KCNJ6: variants seen among roughly 807,000 people sequenced by gnomAD.
The protein encoded by KCNJ6 is potassium inwardly rectifying channel subfamily J member 6, also known as G protein-activated inward rectifier potassium channel 2.
A neutral mutation model predicts 34.2 loss-of-function variants in KCNJ6; 9 were observed. The observed-to-expected ratio is 0.26, with a 90% confidence interval of 0.16 to 0.46. The LOEUF (loss-of-function observed/expected upper bound fraction) is 0.46. Among genes scored for constraint, KCNJ6 ranks in the 20% least tolerant of loss-of-function variants. The probability of loss-of-function intolerance (pLI) is 1.00; values close to 1 mark genes in which losing one functional copy is unlikely to be tolerated. For synonymous variants in KCNJ6, 196 were observed against 207.1 expected, an observed-to-expected ratio of 0.95 and a Z score of 0.46; for missense variants, 236 against 531.3, an observed-to-expected ratio of 0.44 and a Z score of 5.46.
intron 3 of KCNJ6, among the ~76,000 whole-genome samples, chr21:37,634,444 T>C: frequency 6.6e-6 from 1 of 152,180 alleles, no homozygotes. Context: ...AAGAACCAAA[T>C]GAACCTCTTT....
chr21:37,687,093 T>A (rs2054618964), intron 3 of KCNJ6, among the ~76,000 whole-genome samples: 1 of 152,142 alleles, frequency 6.6e-6, no homozygotes, highest in Non-Finnish European at 1.5e-5. Flanking sequence ...TCCCAGCACT[T>A]GATCCAAAGG....
intron 1 of KCNJ6, among the ~76,000 whole-genome samples, chr21:37,842,563 A>T (rs954704340): frequency 5.3e-5 from 8 of 152,178 alleles, no homozygotes; most frequent in African/African-American, 9.7e-5. Flanking sequence ...GAACAGAAGG[A>T]GCTAAGGAGC....
At chr21:37,724,297 A>G (rs2054842559) in intron 2 of KCNJ6, among the ~76,000 whole-genome samples, 1 of 152,114 alleles carries the variant, frequency 6.6e-6, no homozygotes, top group South Asian at 2.1e-4. Context: ...TGCTTTCAGG[A>G]AACACAGGTC....
At chr21:37,800,679 G>A (rs1348611475) in intron 2 of KCNJ6, among the ~76,000 whole-genome samples, 1 of 152,140 alleles carries the variant, frequency 6.6e-6, no homozygotes, top group Non-Finnish European at 1.5e-5. Flanking sequence ...CCCTTGATAA[G>A]CATATCATTC....
intron 2 of KCNJ6, among the ~76,000 whole-genome samples, chr21:37,825,818 T>C (rs1049178952): frequency 6.6e-6 from 1 of 152,020 alleles, no homozygotes; most frequent in African/African-American, 2.4e-5. Flanking sequence ...GCAGGGAGAA[T>C]GAGAACCAAG....
chr21:37,776,834 C>CT (rs1362557354), intron 2 of KCNJ6, among the ~76,000 whole-genome samples: 7 of 152,166 alleles, frequency 4.6e-5, no homozygotes, highest in Non-Finnish European at 1.0e-4. Context: ...CTCTGCCAGG[C>CT]TTTGGTATCA....
At chr21:37,685,224 A>G (rs1226532444) in intron 3 of KCNJ6, among the ~76,000 whole-genome samples, 1 of 152,266 alleles carries the variant, frequency 6.6e-6, no homozygotes, top group East Asian at 1.9e-4. Context: ...GCAAAGATCA[A>G]TGAGTTGTTT....
At chr21:37,738,473 C>T (rs193102140) in intron 2 of KCNJ6, among the ~76,000 whole-genome samples, 1 of 152,352 alleles carries the variant, frequency 6.6e-6, no homozygotes, top group East Asian at 1.9e-4. Flanking sequence ...CAAGTACATA[C>T]ACTAAAGTAA....
intron 3 of KCNJ6, among the ~76,000 whole-genome samples, chr21:37,681,973 A>G (rs1197417116): frequency 1.3e-5 from 2 of 152,198 alleles, no homozygotes; most frequent in Non-Finnish European, 2.9e-5. Context: ...TTAAGGGGAA[A>G]GAAGTCTGTC....
At chr21:37,870,951 C>T (rs2055648601) in intron 1 of KCNJ6, among the ~76,000 whole-genome samples, 1 of 152,164 alleles carries the variant, frequency 6.6e-6, no homozygotes, top group Non-Finnish European at 1.5e-5. Flanking sequence ...ACACCAATCC[C>T]AAGTCTTGGA....
chr21:37,828,695 G>A (rs892796720), intron 2 of KCNJ6, among the ~76,000 whole-genome samples: 2 of 152,238 alleles, frequency 1.3e-5, no homozygotes, highest in African/African-American at 2.4e-5. Context: ...GCTCTGCGGA[G>A]TTTCAGCCTT....
At chr21:37,649,590 C>T (rs1357969051) in intron 3 of KCNJ6, among the ~76,000 whole-genome samples, 3 of 152,202 alleles carry the variant, frequency 2.0e-5, no homozygotes, top group Non-Finnish European at 4.4e-5. Context: ...AGCCAGACCC[C>T]GCATCACCTT....
chr21:37,669,220 C>A (rs190723065), intron 3 of KCNJ6, among the ~76,000 whole-genome samples: 41 of 152,330 alleles, frequency 2.7e-4, no homozygotes, highest in African/African-American at 7.5e-4. Context: ...GGCACCCCCC[C>A]ACCTTCCAGT....
At chr21:37,823,503 G>A (rs1398338910) in intron 2 of KCNJ6, among the ~76,000 whole-genome samples, 2 of 152,150 alleles carry the variant, frequency 1.3e-5, no homozygotes, top group East Asian at 3.9e-4. Context: ...GAGGTGATTG[G>A]ATCATGGAGG....
intron 1 of KCNJ6, among the ~76,000 whole-genome samples, chr21:37,878,862 G>A (rs1402321605): frequency 6.6e-6 from 1 of 152,194 alleles, no homozygotes; most frequent in African/African-American, 2.4e-5. Context: ...TCACATGCTT[G>A]CTGTGAAAAT....
At position 37,607,913 on chromosome 21, in the gene KCNJ6, T is replaced by C. The variant is rs560324978; in HGVS notation, c.*17246A>G. ...TAAAATAAACTCTTGTTTTGTGATT[T>C]TGCTGGACACATGATGGTTTACAAC... On this transcript the variant is annotated 3_prime_UTR_variant, in exon 4 of 4. Coordinates refer to ENST00000609713, the MANE Select transcript of KCNJ6 (RefSeq NM_002240.5). 1 of 152,346 alleles carries C rather than the reference T, an allele frequency of 6.6e-6. No homozygotes were observed. The highest frequency in any genetic ancestry group is 2.1e-4 in the South Asian group (1 of 4,828). 9.4% of individuals were successfully genotyped at this position (152,346 alleles called of 1,614,324 possible).
chr21:37,754,648 C>T (rs139380202), intron 2 of KCNJ6, among the ~76,000 whole-genome samples: 9 of 152,182 alleles, frequency 5.9e-5, no homozygotes, highest in African/African-American at 1.9e-4. Flanking sequence ...GAGATTCCAA[C>T]GCTAATGAGC....
intron 3 of KCNJ6, among the ~76,000 whole-genome samples, chr21:37,665,591 G>A (rs981259183): frequency 3.3e-5 from 5 of 152,184 alleles, no homozygotes; most frequent in Non-Finnish European, 5.9e-5. Flanking sequence ...ATGAGGTAGA[G>A]CTGGATTTGG....
intron 2 of KCNJ6, among the ~76,000 whole-genome samples, chr21:37,746,009 T>G (rs1319677528): frequency 6.6e-6 from 1 of 152,214 alleles, no homozygotes; most frequent in Non-Finnish European, 1.5e-5. Context: ...GCTCTCTTCC[T>G]GGCTTGCAGG....
Sources: allele counts gnomAD v4.1 joint callset (sites outside exome capture counted in the v4.1 genomes callset), GRCh38; gene constraint gnomAD v4.1.1; transcripts MANE v1.5; gene names NCBI Gene and HGNC (gene_info 2026-07-23, HGNC 2026-07-21).